ADGRA2: variants seen among roughly 807,000 people sequenced by gnomAD.
The protein encoded by ADGRA2 is G-protein coupled receptor 124.
Under a neutral mutation model 98.7 loss-of-function variants are expected in ADGRA2, and 61 were observed. That is an observed-to-expected ratio of 0.62 (90% CI 0.50 to 0.76). The LOEUF is 0.76. ADGRA2 is among the 30% of genes least tolerant of loss of function. The pLI, the probability that ADGRA2 is intolerant of heterozygous loss-of-function variation, is 0.00. For synonymous variants in ADGRA2, 858 were observed against 831.5 expected, an observed-to-expected ratio of 1.03 and a Z score of -0.55; for missense variants, 1,712 against 1,860.0, an observed-to-expected ratio of 0.92 and a Z score of 1.46.
intron 17 of ADGRA2, 22 bp from the exon 18 acceptor site, chr8:37,840,738 C>A: frequency 7.4e-7 from 1 of 1,351,096 alleles, no homozygotes; most frequent in Non-Finnish European, 1.1e-6. Flanking sequence ...CTCTGGGACC[C>A]CCAATCCCTC....
Position 37,843,576 on chromosome 8 carries a change from GGAA to G in ADGRA2, c.*1225_*1227del, listed in dbSNP as rs1274764324. ...GAAACCGAGGGAACCCTGGGTCTTG[GGAA>G]GAACAACAGGAAACCAAGGTCTGAC... On this transcript the variant is annotated 3_prime_UTR_variant, in exon 19 of 19. Transcript: ENST00000412232. 1.3e-5 allele frequency: 2 copies of G among 152,130 alleles called. No individual in the cohort carries two copies. The highest frequency in any genetic ancestry group is 1.5e-5 in the Non-Finnish European group (1 of 68,036). The allele number at this position is 152,130 out of a possible 1,614,324, so 9.4% of individuals were successfully genotyped here.
At chr8:37,820,810 T>C (rs1805105584) in intron 2 of ADGRA2, among the ~76,000 whole-genome samples, 1 of 152,048 alleles carries the variant, frequency 6.6e-6, no homozygotes, top group Non-Finnish European at 1.5e-5. Flanking sequence ...ATCTGCGTGG[T>C]ATCTGTTTTG....
At position 37,835,731 on chromosome 8, in the gene ADGRA2, A is replaced by AGGCGT; in HGVS notation, c.2020_2024dup (p.Thr676TrpfsTer18). The AGGCGT allele has an allele frequency of 2.5e-6, 4 of 1,613,588 alleles. No homozygotes were observed. Among genetic ancestry groups the AGGCGT allele is most frequent in the Non-Finnish European group, 2.5e-6 (3 of 1,179,844 alleles). On this transcript the variant is annotated frameshift_variant, in exon 13 of 19. Coordinates refer to ENST00000412232, the MANE Select transcript of ADGRA2 (RefSeq NM_032777.10). LOFTEE classifies it high-confidence loss of function. ...CCCTGGAGCTGCTGGGCCTGGCAAG[A>AGGCGT]GGCGTGGCGTGGCCACCCCCGTCAT... is the stretch of plus-strand genomic sequence containing the variant.
rs545433349 is a variant in ADGRA2 at position 37,816,593 on chromosome 8, A to AACACACAC, written c.338+1661_338+1668dup. Among the ~76,000 whole-genome samples the AACACACAC allele has an allele frequency of 8.1e-3, 1,061 of 131,342 alleles. 17 individuals are homozygous for AACACACAC. The highest frequency in any genetic ancestry group is 0.026 in the African/African-American group (880 of 34,148). 86.2% of individuals were successfully genotyped at this position (131,342 alleles called of 152,430 possible). Reference sequence around the variant, plus strand: ...TGTGACAGAGCGAGACTCCGTCTCAAACACACACACACACACACACACACA... The same window carrying AACACACAC: ...TGTGACAGAGCGAGACTCCGTCTCAAACACACACACACACACACACACACACACACACA... On this transcript the variant is annotated intron_variant, in intron 2 of 18. Coordinates refer to ENST00000412232, the MANE Select transcript of ADGRA2 (RefSeq NM_032777.10).
rs767686219 is a variant in ADGRA2, at chr8:37,840,855, C to CA, written c.2747+7dup. On this transcript the variant is annotated splice_region_variant and intron_variant, in intron 18 of 18. Transcript: ENST00000412232. ...TACCGGGACCACAGCCCCTAGTGAG[C>CA]ACCCCTCCCTCCCGCCCCAAGCCTA... 4 of 1,506,132 alleles carry CA rather than the reference C, an allele frequency of 2.7e-6. No homozygotes were observed. The highest frequency in any genetic ancestry group is 3.7e-6 in the Non-Finnish European group (4 of 1,084,272). The allele number at this position is 1,506,132 out of a possible 1,614,324, so 93.3% of individuals were successfully genotyped here.
chr8:37,808,243 G>A (rs1033824002), intron 1 of ADGRA2, among the ~76,000 whole-genome samples: 7 of 152,220 alleles, frequency 4.6e-5, no homozygotes, highest in East Asian at 1.9e-4. Flanking sequence ...AGAAGGGCGT[G>A]GGAGGGAGGG....
At chr8:37,838,928 T>G in intron 14 of ADGRA2, 28 bp from the exon 15 acceptor site, 1 of 1,545,468 alleles carries the variant, frequency 6.5e-7, no homozygotes, top group African/African-American at 1.4e-5. Context: ...TCCACATTCC[T>G]CACGTCCTCC....
At chr8:37,835,795 GC>G in intron 13 of ADGRA2, 25 bp downstream of exon 13, 2 of 1,470,242 alleles carry the variant, frequency 1.4e-6, no homozygotes, top group Non-Finnish European at 1.9e-6. Flanking sequence ...TCCCCGCCCC[GC>G]CCAGGGTGCC....
chr8:37,835,520 C>T (rs1805584171), intron 12 of ADGRA2, 34 bp from the exon 13 acceptor site: 1 of 1,516,010 alleles, frequency 6.6e-7, no homozygotes, highest in Non-Finnish European at 9.2e-7. Flanking sequence ...CTAGGGGGTC[C>T]TGGTGTCTCT....
intron 1 of ADGRA2, among the ~76,000 whole-genome samples, chr8:37,811,474 C>CTTTTTTTTTTTTT (rs34759771): frequency 1.8e-5 from 2 of 112,222 alleles, no homozygotes; most frequent in African/African-American, 6.9e-5. Context: ...ACCCAGCCAA[C>CTTTTTTTTTTTTT]TTTTTTTTTT....
intron 9 of ADGRA2, 149 bp from the exon 10 acceptor site, chr8:37,833,539 T>C: frequency 1.3e-6 from 1 of 767,840 alleles, no homozygotes; most frequent in Non-Finnish European, 2.1e-6. Flanking sequence ...CTCAGCCTCC[T>C]CTGCCCTCCT....
chr8:37,799,974 C>T (rs1804450407), intron 1 of ADGRA2, among the ~76,000 whole-genome samples: 1 of 152,182 alleles, frequency 6.6e-6, no homozygotes, highest in African/African-American at 2.4e-5. Context: ...GGCTCTCCTT[C>T]AGCAGAAGCT....
At chr8:37,819,608 G>T (rs1226006256) in intron 2 of ADGRA2, among the ~76,000 whole-genome samples, 1 of 152,146 alleles carries the variant, frequency 6.6e-6, no homozygotes, top group Non-Finnish European at 1.5e-5. Context: ...TTCACCTTGT[G>T]ATCCGCCCTC....
chr8:37,837,607 A>T, intron 13 of ADGRA2, 124 bp from the exon 14 acceptor site: 2 of 801,028 alleles, frequency 2.5e-6, no homozygotes, highest in Non-Finnish European at 4.1e-6. Context: ...CCAGCCCAGC[A>T]CTGTGCCCTG....
chr8:37,833,587 C>A, intron 9 of ADGRA2, 101 bp from the exon 10 acceptor site: 1 of 1,240,412 alleles, frequency 8.1e-7, no homozygotes, highest in Non-Finnish European at 1.2e-6. Flanking sequence ...GGACTCCTGT[C>A]CCCAGGCACT....
At chr8:37,838,068 C>T in intron 14 of ADGRA2, 129 bp downstream of exon 14, 2 of 787,712 alleles carry the variant, frequency 2.5e-6, no homozygotes, top group Admixed American at 3.4e-5. Context: ...TAATTGGGCC[C>T]CATGAGTGGT....
At chr8:37,835,078 G>A in intron 11 of ADGRA2, 96 bp from the exon 12 acceptor site, 2 of 810,514 alleles carry the variant, frequency 2.5e-6, no homozygotes, top group South Asian at 1.5e-5. Flanking sequence ...TTGAAGGGGA[G>A]GACTACAGCC....
chr8:37,838,063 G>T, intron 14 of ADGRA2, 124 bp downstream of exon 14: 2 of 822,890 alleles, frequency 2.4e-6, no homozygotes, highest in East Asian at 6.0e-5. Context: ...AGCCCTAATT[G>T]GGCCCCATGA....
rs140419408 is a variant in ADGRA2, at chr8:37,829,517, T to G, written c.512T>G (p.Leu171Arg). 5 of 1,613,826 alleles carry G rather than the reference T, an allele frequency of 3.1e-6. No homozygotes were observed. Among genetic ancestry groups the G allele is most frequent in the Non-Finnish European group, 4.2e-6 (5 of 1,179,726 alleles). ...ATATCTGGAAACATCTTCTCCAGTC[T>G]GCAACCTGGGGTCTTTGATGAGCTG... Reference protein sequence around the residue: ...LNISGNIFSSLQPGVFDELPA... With the variant: ...LNISGNIFSSRQPGVFDELPA... Residue 171 changes from leucine (L) to arginine (R), a missense_variant, in exon 5 of 19, where the codon CTG (leucine) becomes CGG (arginine). Transcript: ENST00000412232.
Sources: allele counts gnomAD v4.1 joint callset (sites outside exome capture counted in the v4.1 genomes callset), GRCh38; gene constraint gnomAD v4.1.1; transcripts MANE v1.5; gene names NCBI Gene and HGNC (gene_info 2026-07-23, HGNC 2026-07-21).